The following PFKFB3 variants were observed in gnomAD, a reference collection of about 807,000 sequenced individuals.
PFKFB3 encodes the protein 6-phosphofructo-2-kinase/fructose-2,6-biphosphatase 3.
PFKFB3 carries 33 observed loss-of-function variants against 68.0 expected under a neutral mutation model. That is an observed-to-expected ratio of 0.49 (90% CI 0.37 to 0.65). The LOEUF (loss-of-function observed/expected upper bound fraction) is 0.65, where lower values mean the gene tolerates loss of function less well. Among genes scored for constraint, PFKFB3 ranks in the 30% least tolerant of loss-of-function variants. The pLI, the probability that PFKFB3 is intolerant of heterozygous loss-of-function variation, is 0.00. For missense variants in PFKFB3, 586 were observed against 712.2 expected (o/e 0.82, Z 2.02); for synonymous variants, 315 against 288.2 (o/e 1.09, Z -0.94).
chr10:6,171,208 A>G (rs1237671409), intron 1 of PFKFB3, among the ~76,000 whole-genome samples: 1 of 151,584 alleles, frequency 6.6e-6, no homozygotes, highest in Non-Finnish European at 1.5e-5. Flanking sequence ...CCACCATGCC[A>G]CCACGCCTGG....
In PFKFB3 at chr10:6,226,084, T is replaced by C. The variant is rs1588529704; in HGVS notation, c.1342-108T>C. On this transcript the variant is annotated intron_variant, in intron 13 of 14. Transcript: ENST00000379775. ...GGTCCCGGCCACTCCCCTCGGTCAG[T>C]CTTTTTGCCTCTCTAAAATCCAGGA... The C allele has an allele frequency of 4.0e-6, 4 of 1,002,228 alleles. No individual in the cohort carries two copies. The East Asian group carries it at 7.7e-5, about 19-fold the overall frequency. 62.1% of individuals were successfully genotyped at this position (1,002,228 alleles called of 1,614,324 possible).
rs1844913857 is a variant in PFKFB3, at chr10:6,220,948, C to T, written c.831+83C>T. Reference sequence around the variant, plus strand: ...AGGGTGGGTGGGGAGCTGTGTGCTGCTGCTGCTGCTGCTGCTGCTGCTTGG... The same window carrying T: ...AGGGTGGGTGGGGAGCTGTGTGCTGTTGCTGCTGCTGCTGCTGCTGCTTGG... On this transcript the variant is annotated intron_variant, in intron 8 of 14. Transcript: ENST00000379775. The surrounding 1 kb of genome is among the most constrained non-coding windows in gnomAD (Gnocchi z 4.1). 1 of 1,157,242 alleles carries T rather than the reference C, an allele frequency of 8.6e-7. No homozygotes were observed. The highest frequency in any genetic ancestry group is 1.3e-6 in the Non-Finnish European group (1 of 784,778). The allele number at this position is 1,157,242 out of a possible 1,614,324, so 71.7% of individuals were successfully genotyped here. A position where few individuals can be genotyped will look rare whatever the true frequency, so the allele number is the denominator to read the frequency against.
intron 1 of PFKFB3, among the ~76,000 whole-genome samples, chr10:6,181,254 G>C (rs4750063): frequency 0.35 from 53,849 of 152,052 alleles, 9,956 homozygotes; most frequent in East Asian, 0.62. Context: ...CTCCTGGCCT[G>C]GAGTGATCCT....
At chr10:6,239,497 TGGAGAG>T (rs1434760391), downstream of PFKFB3, among the ~76,000 whole-genome samples, 3 of 152,294 alleles carry the variant, frequency 2.0e-5, no homozygotes, top group Non-Finnish European at 4.4e-5. Context: ...CCTGGGGCTG[TGGAGAG>T]GTTTGTCAGT....
chr10:6,170,107 G>T (rs1290713562), intron 1 of PFKFB3, among the ~76,000 whole-genome samples: 1 of 152,118 alleles, frequency 6.6e-6, no homozygotes, highest in Non-Finnish European at 1.5e-5. Flanking sequence ...CCACCCCGTG[G>T]TTCTTTAATG....
intron 13 of PFKFB3, chr10:6,224,428 TCCTC>T (rs2132002637): frequency 1.6e-6 from 1 of 634,650 alleles, no homozygotes; most frequent in Non-Finnish European, 2.8e-6. Context: ...TGTGTCCTCT[TCCTC>T]CCATTTCTGC....
chr10:6,247,077 T>G (rs774927193), intron 14 of PFKFB3, among the ~76,000 whole-genome samples: 7 of 152,172 alleles, frequency 4.6e-5, no homozygotes, highest in African/African-American at 1.7e-4. Context: ...CAACATTGGC[T>G]TCATTCATTC....
chr10:6,182,885 C>A (rs1218812158), intron 1 of PFKFB3, among the ~76,000 whole-genome samples: 1 of 152,222 alleles, frequency 6.6e-6, no homozygotes, highest in Non-Finnish European at 1.5e-5. Flanking sequence ...TTCCCAGCCC[C>A]CCAGGGTCTT....
chr10:6,207,512 G>A (rs537200294), intron 1 of PFKFB3, among the ~76,000 whole-genome samples: 3 of 152,246 alleles, frequency 2.0e-5, no homozygotes, highest in East Asian at 1.9e-4. Flanking sequence ...GGCTGATCTC[G>A]AACTCCTGGC....
intron 14 of PFKFB3, among the ~76,000 whole-genome samples, chr10:6,230,930 C>G (rs1362915167): frequency 3.3e-5 from 5 of 151,942 alleles, no homozygotes; most frequent in African/African-American, 4.8e-5. Flanking sequence ...TGGCCAGGCT[C>G]GTCTCAAACT....
chr10:6,196,976 C>A (rs1366223011), intron 1 of PFKFB3, among the ~76,000 whole-genome samples: 3 of 148,492 alleles, frequency 2.0e-5, no homozygotes, highest in African/African-American at 7.7e-5. Context: ...TTTTACTGTA[C>A]TTATTATTAT....
chr10:6,270,252 G>A, the PFKFB3 span, among the ~76,000 whole-genome samples: 7 of 152,164 alleles, frequency 4.6e-5, no homozygotes, highest in East Asian at 7.8e-4. Context: ...GCTACGACCC[G>A]GAACCAGTTG....
At chr10:6,150,655 C>T (rs1018802656) in intron 1 of PFKFB3, among the ~76,000 whole-genome samples, 1 of 151,798 alleles carries the variant, frequency 6.6e-6, no homozygotes, top group African/African-American at 2.4e-5. Context: ...CCTTATAAAC[C>T]CTAAATGCTG....
chr10:6,292,956 C>T, the PFKFB3 span: 1 of 194,310 alleles, frequency 5.1e-6, no homozygotes, highest in East Asian at 1.7e-4. Context: ...CAGTAAGATT[C>T]CCAGCCATAA....
intron 14 of PFKFB3, among the ~76,000 whole-genome samples, chr10:6,230,958 C>T (rs1340170451): frequency 2.0e-5 from 3 of 152,080 alleles, no homozygotes; most frequent in African/African-American, 7.3e-5. Flanking sequence ...TCAGGTGATC[C>T]ACCCGCCTTG....
At chr10:6,256,658 G>A (rs751368729), downstream of PFKFB3, among the ~76,000 whole-genome samples, 10 of 152,244 alleles carry the variant, frequency 6.6e-5, no homozygotes, top group Non-Finnish European at 1.3e-4. Flanking sequence ...CCTCCCAGGT[G>A]TATTTAACGT....
intron 14 of PFKFB3, among the ~76,000 whole-genome samples, chr10:6,226,917 C>T (rs999436626): frequency 2.6e-5 from 4 of 152,146 alleles, no homozygotes; most frequent in African/African-American, 9.7e-5. Flanking sequence ...GAAACCCTGT[C>T]TTTACTAAAA....
At chr10:6,224,106 C>T in intron 12 of PFKFB3, 43 bp from the exon 13 acceptor site, 2 of 1,608,774 alleles carry the variant, frequency 1.2e-6, no homozygotes, top group Non-Finnish European at 1.7e-6. Context: ...CGGTGCTGTC[C>T]CTTTAACAGC....
intron 1 of PFKFB3, among the ~76,000 whole-genome samples, chr10:6,206,794 C>T (rs1303130388): frequency 3.1e-5 from 3 of 97,864 alleles, no homozygotes; most frequent in Admixed American, 1.1e-4. Flanking sequence ...TCCTCACATC[C>T]CAGACGATGG....
Sources: gnomAD v4.1 joint callset for allele counts (sites outside exome capture counted in the v4.1 genomes callset) on GRCh38, gnomAD v4.1.1 for gene constraint, Gnocchi (gnomAD v3.1) non-coding constraint, MANE v1.5 for transcripts, NCBI Gene and HGNC (gene_info 2026-07-23, HGNC 2026-07-21) for gene names.